Variants in GRXCR2 observed in about 807,000 individuals in gnomAD.
GRXCR2 encodes glutaredoxin and cysteine rich domain containing 2, also known as glutaredoxin domain-containing cysteine-rich protein 2.
A neutral mutation model predicts 24.8 loss-of-function variants in GRXCR2; 23 were observed. That is an observed-to-expected ratio of 0.93 (90% CI 0.67 to 1.32). The LOEUF (loss-of-function observed/expected upper bound fraction) is 1.32. Among genes scored for constraint, GRXCR2 ranks in the 40% most tolerant of loss-of-function variants. The probability of loss-of-function intolerance (pLI) is 0.00; values close to 1 mark genes in which losing one functional copy is unlikely to be tolerated. For synonymous variants in GRXCR2, 130 were observed against 116.1 expected (o/e 1.12, Z -0.77); for missense variants, 315 against 303.4 (o/e 1.04, Z -0.28).
At chr5:145,902,786 T>C (rs976264355) in intron 2 of GRXCR2, among the ~76,000 whole-genome samples, 2 of 152,204 alleles carry the variant, frequency 1.3e-5, no homozygotes, top group African/African-American at 4.8e-5. Context: ...GTTCAGTGAT[T>C]TGTAAGCATT....
At chr5:145,924,161 A>G (rs1346685099) in intron 2 of GRXCR2, among the ~76,000 whole-genome samples, 1 of 152,146 alleles carries the variant, frequency 6.6e-6, no homozygotes, top group Non-Finnish European at 1.5e-5. Context: ...CTGTACTCCT[A>G]GTGTACCTAC....
intron 2 of GRXCR2, among the ~76,000 whole-genome samples, chr5:145,923,112 A>G (rs779676805): frequency 1.6e-4 from 24 of 152,230 alleles, no homozygotes; most frequent in Non-Finnish European, 2.8e-4. Context: ...GTACTTGGGG[A>G]AACACAGATT....
intron 2 of GRXCR2, among the ~76,000 whole-genome samples, chr5:145,929,315 T>C (rs949055602): frequency 9.3e-5 from 14 of 151,332 alleles, no homozygotes; most frequent in African/African-American, 3.4e-4. Flanking sequence ...CACACTTGGA[T>C]ACATATCTGT....
At chr5:145,897,336 A>C (rs1018471894) in intron 2 of GRXCR2, among the ~76,000 whole-genome samples, 1 of 152,004 alleles carries the variant, frequency 6.6e-6, no homozygotes, top group Admixed American at 6.6e-5. Flanking sequence ...AAAAAAAAAA[A>C]CTAAAAGACT....
upstream of GRXCR2, among the ~76,000 whole-genome samples, chr5:145,876,200 T>TATATATATAC (rs1561679629): frequency 6.5e-4 from 88 of 134,738 alleles, no homozygotes; most frequent in African/African-American, 2.7e-3. Flanking sequence ...TGTATATATA[T>TATATATATAC]ATATATATAT....
upstream of GRXCR2, chr5:145,873,049 T>G (rs1756561165): frequency 9.0e-7 from 1 of 1,108,132 alleles, no homozygotes; most frequent in Non-Finnish European, 1.3e-6. Flanking sequence ...GCATTTTATT[T>G]TCTCTCCTCC....
Position 145,895,189 on chromosome 5 carries a change from G to A in GRXCR2, c.-69-28461C>T, listed in dbSNP as rs549401497. On this transcript the variant is annotated intron_variant, in intron 2 of 3. Transcript: ENST00000639411. ...CCACAGCCAATATCATACTGAATGG[G>A]CAAAAACTGGAAGCATTCCCTTTGA... 4.6e-5 allele frequency among the ~76,000 whole-genome samples: 7 copies of A among 152,086 alleles called. No homozygotes were observed. The East Asian group carries it at 5.8e-4, about 13-fold the overall frequency.
At chr5:145,869,545 TTC>T (rs1214243096) in intron 1 of GRXCR2, among the ~76,000 whole-genome samples, 1 of 146,980 alleles carries the variant, frequency 6.8e-6, no homozygotes, top group Non-Finnish European at 1.5e-5. Context: ...AAGAGCTTCT[TTC>T]TCTCTCTCTC....
intron 2 of GRXCR2, among the ~76,000 whole-genome samples, chr5:145,865,682 T>C (rs552859256): frequency 1.3e-5 from 2 of 152,316 alleles, no homozygotes; most frequent in South Asian, 2.1e-4. Context: ...TTGCAACATG[T>C]TGCAGTTTAC....
intron 2 of GRXCR2, among the ~76,000 whole-genome samples, chr5:145,910,589 CAT>C (rs1229115584): frequency 1.3e-5 from 2 of 152,016 alleles, no homozygotes; most frequent in Non-Finnish European, 2.9e-5. Context: ...TTTCGTAGTA[CAT>C]ATGATTACAT....
In GRXCR2 at chr5:145,872,776, A is replaced by G. The variant is rs757365290; in HGVS notation, c.193T>C (p.Tyr65His). 2 of 1,614,220 alleles carry G rather than the reference A, an allele frequency of 1.2e-6. No individual in the cohort carries two copies. Among genetic ancestry groups the G allele is most frequent in the Admixed American group, 1.7e-5 (1 of 60,026 alleles). Reference sequence around the variant, plus strand: ...GGCCTGGGGACTTCCCCAGACCCATAAACACCATCCATTGTTTCAAGAGAC... The same window carrying G: ...GGCCTGGGGACTTCCCCAGACCCATGAACACCATCCATTGTTTCAAGAGAC... ...QESLETMDGV[Y>H]GSGEVPRPQM... The change falls in exon 1 of 3, where the codon TAT becomes CAT. Residue 65 changes from tyrosine (Y) to histidine (H), a missense_variant. By Grantham distance (83) the Tyr-to-His change is moderately conservative. Coordinates refer to ENST00000377976, the MANE Select transcript of GRXCR2 (RefSeq NM_001080516.2).
At chr5:145,884,416 T>C (rs1181691597) in intron 2 of GRXCR2, among the ~76,000 whole-genome samples, 1 of 152,180 alleles carries the variant, frequency 6.6e-6, no homozygotes, top group Non-Finnish European at 1.5e-5. Context: ...AGGGTTGGTA[T>C]TAATATCAGA....
At chr5:145,890,371 T>G (rs1756846883) in intron 2 of GRXCR2, among the ~76,000 whole-genome samples, 1 of 152,200 alleles carries the variant, frequency 6.6e-6, no homozygotes, top group South Asian at 2.1e-4. Context: ...ATTACAGGTG[T>G]GAGCCACTGC....
intron 1 of GRXCR2, 61 bp from the exon 2 acceptor site, chr5:145,866,789 G>C (rs765385394): frequency 3.0e-5 from 32 of 1,055,950 alleles, no homozygotes; most frequent in Non-Finnish European, 4.2e-5. Flanking sequence ...GAGGGCTGCA[G>C]AACCTGTCCA....
chr5:145,925,415 T>C (rs1035717223), intron 2 of GRXCR2, among the ~76,000 whole-genome samples: 2 of 152,188 alleles, frequency 1.3e-5, no homozygotes, highest in African/African-American at 4.8e-5. Flanking sequence ...TGGGAAGTAC[T>C]TGTTACTGAT....
intron 2 of GRXCR2, among the ~76,000 whole-genome samples, chr5:145,898,019 C>G (rs1471632030): frequency 1.3e-5 from 2 of 151,870 alleles, no homozygotes; most frequent in South Asian, 2.1e-4. Context: ...ATCAAGGAAA[C>G]CAAAAGTTTG....
chr5:145,911,562 G>GC (rs1411393256), intron 2 of GRXCR2, among the ~76,000 whole-genome samples: 1 of 152,210 alleles, frequency 6.6e-6, no homozygotes, highest in African/African-American at 2.4e-5. Context: ...CTGACCCGAA[G>GC]CCAAGACAGA....
intron 1 of GRXCR2, among the ~76,000 whole-genome samples, chr5:145,870,018 C>G (rs1460001075): frequency 6.6e-6 from 1 of 152,080 alleles, no homozygotes; most frequent in Non-Finnish European, 1.5e-5. Context: ...TCAGGTTTGA[C>G]AGGTATCAAA....
chr5:145,892,580 G>A (rs1473311083), intron 2 of GRXCR2, among the ~76,000 whole-genome samples: 1 of 152,074 alleles, frequency 6.6e-6, no homozygotes, highest in Non-Finnish European at 1.5e-5. Context: ...GAAGTTTAGA[G>A]AAAAAAGAAT....
Sources: allele counts gnomAD v4.1 joint callset (sites outside exome capture counted in the v4.1 genomes callset), GRCh38; gene constraint gnomAD v4.1.1; transcripts MANE v1.5; gene names NCBI Gene and HGNC (gene_info 2026-07-23, HGNC 2026-07-21).